Variants in COLGALT2 observed in about 807,000 individuals in gnomAD.
COLGALT2 encodes collagen beta(1-O)galactosyltransferase 2.
A neutral mutation model predicts 73.4 loss-of-function variants in COLGALT2; 49 were observed. That is an observed-to-expected ratio of 0.67 (90% CI 0.53 to 0.85). COLGALT2 has a LOEUF of 0.85. Among genes scored for constraint, COLGALT2 ranks in the 40% least tolerant of loss-of-function variants. The pLI, the probability that COLGALT2 is intolerant of heterozygous loss-of-function variation, is 0.00. For missense variants in COLGALT2, 722 were observed against 790.2 expected, an observed-to-expected ratio of 0.91 and a Z score of 1.03; for synonymous variants, 295 against 307.6, an observed-to-expected ratio of 0.96 and a Z score of 0.43.
At chr1:184,017,193 G>A (rs993881146) in intron 1 of COLGALT2, among the ~76,000 whole-genome samples, 4 of 152,134 alleles carry the variant, frequency 2.6e-5, no homozygotes, top group African/African-American at 4.8e-5. Flanking sequence ...CAGCAATCCT[G>A]ATATCTTCTA....
At chr1:183,982,412 C>T (rs1158610559) in intron 1 of COLGALT2, among the ~76,000 whole-genome samples, 1 of 152,086 alleles carries the variant, frequency 6.6e-6, no homozygotes, top group Non-Finnish European at 1.5e-5. Context: ...GTCCAGGGTA[C>T]GCCATGAAGA....
intron 8 of COLGALT2, among the ~76,000 whole-genome samples, chr1:183,950,178 A>C (rs1268430402): frequency 6.6e-6 from 1 of 152,188 alleles, no homozygotes; most frequent in African/African-American, 2.4e-5. Flanking sequence ...GTCCAGCCTC[A>C]GAGAGCATAA....
intron 1 of COLGALT2, among the ~76,000 whole-genome samples, chr1:184,034,134 A>C (rs1287214753): frequency 2.6e-5 from 4 of 152,192 alleles, no homozygotes; most frequent in African/African-American, 7.2e-5. Context: ...CTTCCCAGCC[A>C]AATATTCCCC....
chr1:183,959,163 C>T (rs183942015), intron 6 of COLGALT2, among the ~76,000 whole-genome samples: 2 of 152,292 alleles, frequency 1.3e-5, no homozygotes, highest in Non-Finnish European at 2.9e-5. Context: ...CTCAATTTTT[C>T]CTCCTAGCTC....
rs770952748 is a variant in COLGALT2, at chr1:184,037,166, C to G, written c.192G>C (p.Ala64=). 3 of 1,603,894 alleles carry G rather than the reference C, an allele frequency of 1.9e-6. No homozygotes were observed. Among genetic ancestry groups the G allele is most frequent in the South Asian group, 2.2e-5 (2 of 90,280 alleles). Residue 64 remains alanine, a synonymous_variant, in exon 1 of 12, where the codon GCG becomes GCC. Transcript: ENST00000361927. ...TVLVAVLARN[A]AHTLPHFLGC... The stretch of plus-strand genomic sequence containing the variant: ...CGAGGAAGTGCGGCAGCGTGTGCGC[C>G]GCGTTGCGGGCGAGGACCGCCACGA...
intron 1 of COLGALT2, among the ~76,000 whole-genome samples, chr1:183,988,930 T>C (rs1039965581): frequency 1.3e-5 from 2 of 152,226 alleles, no homozygotes; most frequent in South Asian, 2.1e-4. Context: ...GAATCTACTA[T>C]GTTCCAGGCA....
intron 1 of COLGALT2, among the ~76,000 whole-genome samples, chr1:184,021,869 A>T (rs1277156558): frequency 6.6e-6 from 1 of 152,194 alleles, no homozygotes; most frequent in Admixed American, 6.6e-5. Context: ...TTGAACAAGT[A>T]TTTGGAAGCA....
In COLGALT2 at chr1:183,936,046, A is replaced by G; in HGVS notation, c.*2715T>C. ...TGCAAAGTGCAGGTGTTCAGTCCAC[A>G]CACAGCAGCACCAGCACTGCTGATG... On this transcript the variant is annotated 3_prime_UTR_variant, in exon 12 of 12. Transcript: ENST00000361927. 3.0e-6 allele frequency: 3 copies of G among 985,454 alleles called. No homozygotes were observed. Among genetic ancestry groups the G allele is most frequent in the Non-Finnish European group, 3.6e-6 (3 of 829,966 alleles). 61.0% of individuals were successfully genotyped at this position (985,454 alleles called of 1,614,324 possible). A position where few individuals can be genotyped will look rare whatever the true frequency, so the allele number is the denominator to read the frequency against.
chr1:184,018,761 C>T (rs925940544), intron 1 of COLGALT2, among the ~76,000 whole-genome samples: 1 of 152,100 alleles, frequency 6.6e-6, no homozygotes, highest in Non-Finnish European at 1.5e-5. Context: ...AATGAATATA[C>T]AATCTTTCAA....
intron 1 of COLGALT2, among the ~76,000 whole-genome samples, chr1:184,021,864 C>T (rs149521451): frequency 6.6e-6 from 1 of 152,162 alleles, no homozygotes. Flanking sequence ...GGAGTTTGAA[C>T]AAGTATTTGG....
At chr1:184,023,052 T>C (rs1649224756) in intron 1 of COLGALT2, among the ~76,000 whole-genome samples, 1 of 152,212 alleles carries the variant, frequency 6.6e-6, no homozygotes, top group Non-Finnish European at 1.5e-5. Context: ...AAGGATGTGC[T>C]TTTTTATTTA....
At chr1:184,005,539 T>C (rs1275579487) in intron 1 of COLGALT2, among the ~76,000 whole-genome samples, 3 of 152,124 alleles carry the variant, frequency 2.0e-5, no homozygotes, top group Non-Finnish European at 2.9e-5. Context: ...AAGAGCTACC[T>C]GGTTATACTC....
intron 5 of COLGALT2, among the ~76,000 whole-genome samples, chr1:183,966,843 C>T (rs1670889146): frequency 6.6e-6 from 1 of 152,168 alleles, no homozygotes; most frequent in South Asian, 2.1e-4. Flanking sequence ...GTGGCCAAGC[C>T]CTGCTCACCA....
rs1373502182 is a variant in COLGALT2, at chr1:183,936,326, A to G, written c.*2435T>C. The G allele has an allele frequency of 2.0e-6, 2 of 981,952 alleles. No individual in the cohort carries two copies. The highest frequency in any genetic ancestry group is 1.2e-6 in the Non-Finnish European group (1 of 828,228). 60.8% of individuals were successfully genotyped at this position (981,952 alleles called of 1,614,324 possible). A position where few individuals can be genotyped will look rare whatever the true frequency, so the allele number is the denominator to read the frequency against. Reference sequence around the variant, plus strand: ...GAGATGACTTTAAAAAAAAAGTCACATCTGCGGCTCACAGTGTTCACCAGA... The same window carrying G: ...GAGATGACTTTAAAAAAAAAGTCACGTCTGCGGCTCACAGTGTTCACCAGA... On this transcript the variant is annotated 3_prime_UTR_variant, in exon 12 of 12. Coordinates refer to ENST00000361927, the MANE Select transcript of COLGALT2 (RefSeq NM_015101.4).
At chr1:183,969,508 G>C in intron 4 of COLGALT2, 35 bp from the exon 5 acceptor site, 2 of 1,547,918 alleles carry the variant, frequency 1.3e-6, no homozygotes, top group Non-Finnish European at 1.8e-6. Context: ...TGTGTTTTCT[G>C]ATTTGAAGTC....
intron 1 of COLGALT2, among the ~76,000 whole-genome samples, chr1:184,019,901 C>CA (rs1175819545): frequency 2.6e-5 from 4 of 152,116 alleles, no homozygotes; most frequent in African/African-American, 7.2e-5. Flanking sequence ...AAGGGAACAG[C>CA]AAAAAATTCA....
chr1:184,028,027 G>A (rs1649382359), intron 1 of COLGALT2, among the ~76,000 whole-genome samples: 1 of 152,188 alleles, frequency 6.6e-6, no homozygotes, highest in Non-Finnish European at 1.5e-5. Flanking sequence ...GTGATGACAT[G>A]AAAAATCCTG....
rs147542828 is a variant in COLGALT2, at chr1:183,954,672, C to G, written c.1029+90G>C. 6.0e-4 allele frequency: 603 copies of G among 1,011,676 alleles called. 2 individuals are homozygous for G. In the African/African-American group the frequency reaches 8.5e-3, roughly 14 times the overall value. The allele number at this position is 1,011,676 out of a possible 1,614,324, so 62.7% of individuals were successfully genotyped here. A position where few individuals can be genotyped will look rare whatever the true frequency, so the allele number is the denominator to read the frequency against. ...AGCAGCCAAGCCAGTCTTGCTGGCTCTCAGATGCAAGCTCAGGCTTGTGTT... is the reference window on the plus strand; with the variant it reads ...AGCAGCCAAGCCAGTCTTGCTGGCTGTCAGATGCAAGCTCAGGCTTGTGTT... On this transcript the variant is annotated intron_variant, in intron 7 of 11. Coordinates refer to ENST00000361927, the MANE Select transcript of COLGALT2 (RefSeq NM_015101.4).
rs369752332 is a variant in COLGALT2, at chr1:183,969,435, T to C, written c.666A>G (p.Arg222=). The change falls in exon 5 of 12, where the codon CGA becomes CGG. Residue 222 remains arginine, a synonymous_variant. Transcript: ENST00000361927. ...YKRTPDYVQI[R]EWKRTGCFPV... Reference sequence around the variant, plus strand: ...GGAAGCAGCCTGTCCTCTTCCATTCTCGAATCTGAACGTAGTCTGGGGTCC... The same window carrying C: ...GGAAGCAGCCTGTCCTCTTCCATTCCCGAATCTGAACGTAGTCTGGGGTCC... 3.7e-6 allele frequency: 6 copies of C among 1,613,418 alleles called. No individual in the cohort carries two copies. Among genetic ancestry groups the C allele is most frequent in the Non-Finnish European group, 4.2e-6 (5 of 1,179,734 alleles).
Sources: allele counts gnomAD v4.1 joint callset (sites outside exome capture counted in the v4.1 genomes callset), GRCh38; gene constraint gnomAD v4.1.1; transcripts MANE v1.5; gene names NCBI Gene and HGNC (gene_info 2026-07-23, HGNC 2026-07-21).